FGF13: variants seen among roughly 807,000 people sequenced by gnomAD.
FGF13 encodes the protein fibroblast growth factor homologous factor 2.
A neutral mutation model predicts 19.5 loss-of-function variants in FGF13; 2 were observed. That is an observed-to-expected ratio of 0.10 (90% confidence interval 0.04 to 0.32). The LOEUF (loss-of-function observed/expected upper bound fraction) is 0.32. FGF13 is among the 10% of genes least tolerant of loss of function. The probability of loss-of-function intolerance (pLI) is 1.00; values close to 1 mark genes in which losing one functional copy is unlikely to be tolerated. For missense variants in FGF13, 113 were observed against 192.7 expected, an observed-to-expected ratio of 0.59 and a Z score of 2.45; for synonymous variants, 72 against 76.9, an observed-to-expected ratio of 0.94 and a Z score of 0.33.
At chrX:138,670,736 T>C (rs1043661709) in intron 3 of FGF13, among the ~76,000 whole-genome samples, 1 of 111,501 alleles carries the variant, frequency 9.0e-6, no homozygotes, top group Non-Finnish European at 1.9e-5. Flanking sequence ...AAACTAGAGA[T>C]GAAAAAGTGC....
chrX:139,109,991 T>C (rs2083589232), intron 1 of FGF13, among the ~76,000 whole-genome samples: 1 of 111,562 alleles, frequency 9.0e-6, no homozygotes, highest in Admixed American at 9.5e-5. Context: ...TGGAATAAAA[T>C]GTGTCTCATA....
intron 2 of FGF13, among the ~76,000 whole-genome samples, chrX:138,706,018 A>G (rs1301142993): frequency 5.3e-5 from 6 of 112,492 alleles, no homozygotes; most frequent in African/African-American, 1.9e-4. Flanking sequence ...TTGAAGGGCC[A>G]CTTAATCAGA....
chrX:138,966,057 A>C (rs1465940109), intron 1 of FGF13, among the ~76,000 whole-genome samples: 1 of 111,778 alleles, frequency 8.9e-6, no homozygotes, highest in Admixed American at 9.5e-5. Flanking sequence ...GGGTGTGTCC[A>C]TGAGGGTGTT....
intron 3 of FGF13, among the ~76,000 whole-genome samples, chrX:138,835,018 G>T (rs772570559): frequency 8.9e-6 from 1 of 112,001 alleles, no homozygotes; most frequent in Non-Finnish European, 1.9e-5. Context: ...TATGGTCCAA[G>T]AGGCTGTTTG....
intron 1 of FGF13, among the ~76,000 whole-genome samples, chrX:138,890,759 G>T (rs1483032119): frequency 9.0e-6 from 1 of 111,612 alleles, no homozygotes; most frequent in Non-Finnish European, 1.9e-5. Flanking sequence ...AGGTTCAGCA[G>T]CCCCTCACTT....
chrX:138,889,831 T>C, intron 1 of FGF13, among the ~76,000 whole-genome samples: 1 of 111,765 alleles, frequency 8.9e-6, no homozygotes, highest in Middle Eastern at 4.6e-3. Context: ...AATCGGGCTT[T>C]CGGAGCTCAG....
chrX:139,145,835 G>A (rs1030161609), intron 1 of FGF13, among the ~76,000 whole-genome samples: 3 of 111,866 alleles, frequency 2.7e-5, no homozygotes, highest in South Asian at 3.7e-4. Flanking sequence ...GAAGGAATCA[G>A]GTGAGAGCAG....
At chrX:138,898,415 G>A (rs2091515035) in intron 1 of FGF13, among the ~76,000 whole-genome samples, 1 of 112,116 alleles carries the variant, frequency 8.9e-6, no homozygotes, top group Non-Finnish European at 1.9e-5. Context: ...CTTGGTATAT[G>A]TGGATTCAAT....
intron 2 of FGF13, among the ~76,000 whole-genome samples, chrX:138,862,192 G>A (rs750836425): frequency 8.9e-6 from 1 of 111,872 alleles, no homozygotes; most frequent in South Asian, 3.8e-4. Flanking sequence ...TGCCACAGAG[G>A]CATCTGCCCC....
At chrX:138,762,712 A>G (rs2090476375) in intron 3 of FGF13, among the ~76,000 whole-genome samples, 1 of 112,141 alleles carries the variant, frequency 8.9e-6, no homozygotes, top group Non-Finnish European at 1.9e-5. Flanking sequence ...TCTTATCTGT[A>G]AAATGGGAAT....
chrX:138,696,859 T>G (rs1180410061), intron 3 of FGF13, among the ~76,000 whole-genome samples: 1 of 112,240 alleles, frequency 8.9e-6, no homozygotes, highest in Admixed American at 9.4e-5. Flanking sequence ...CTAAGAATAT[T>G]TATGCATGTA....
At chrX:139,166,367 C>G (rs922339612) in intron 1 of FGF13, among the ~76,000 whole-genome samples, 3 of 111,780 alleles carry the variant, frequency 2.7e-5, no homozygotes, top group Admixed American at 9.5e-5. Flanking sequence ...GCTACCCTTT[C>G]TGCCATGATT....
intron 1 of FGF13, among the ~76,000 whole-genome samples, chrX:138,865,474 C>T (rs867718578): frequency 5.3e-5 from 3 of 56,748 alleles, no homozygotes; most frequent in African/African-American, 8.0e-5. Flanking sequence ...TCTCTCTCTC[C>T]TCTCTCTCTC....
chrX:138,744,977 T>G (rs2090345049), intron 3 of FGF13, among the ~76,000 whole-genome samples: 1 of 111,942 alleles, frequency 8.9e-6, no homozygotes, highest in African/African-American at 3.2e-5. Context: ...TCTAAACAAG[T>G]GTACACAGCT....
intron 1 of FGF13, among the ~76,000 whole-genome samples, chrX:138,943,811 T>C (rs767822967): frequency 2.0e-4 from 22 of 111,592 alleles, no homozygotes; most frequent in Admixed American, 4.7e-4. Context: ...AGACAGGGTA[T>C]AACAGGATAA....
At chrX:139,061,845 C>T (rs761178920) in intron 1 of FGF13, among the ~76,000 whole-genome samples, 2 of 110,661 alleles carry the variant, frequency 1.8e-5, no homozygotes, top group African/African-American at 6.6e-5. Flanking sequence ...TTTCATATAC[C>T]TGTTGGCCGT....
intron 3 of FGF13, among the ~76,000 whole-genome samples, chrX:138,647,976 A>G (rs2089325469): frequency 8.9e-6 from 1 of 112,412 alleles, no homozygotes; most frequent in Non-Finnish European, 1.9e-5. Flanking sequence ...GTGGTTTCAG[A>G]TAACTCAAAC....
At chrX:139,097,579 AAAAT>A (rs2083478661) in intron 1 of FGF13, among the ~76,000 whole-genome samples, 1 of 112,162 alleles carries the variant, frequency 8.9e-6, no homozygotes. Flanking sequence ...AGGAGAGAGA[AAAAT>A]AAATAAATTA....
At chrX:138,879,957 G>A (rs908623473) in intron 1 of FGF13, among the ~76,000 whole-genome samples, 22 of 111,361 alleles carry the variant, frequency 2.0e-4, no homozygotes, top group African/African-American at 5.9e-4. Flanking sequence ...TATCCAGAAT[G>A]CACAAATAAC....
Sources: gnomAD v4.1 joint callset for allele counts (sites outside exome capture counted in the v4.1 genomes callset) on GRCh38, gnomAD v4.1.1 for gene constraint, MANE v1.5 for transcripts, NCBI Gene and HGNC (gene_info 2026-07-23, HGNC 2026-07-21) for gene names.